Variants in MYOM2 observed in about 807,000 individuals in gnomAD.
MYOM2 encodes myomesin-2.
In MYOM2, 254 loss-of-function variants were observed where a neutral mutation model predicts 187.6. The ratio of observed to expected loss-of-function variants is 1.35; its 90% CI spans 1.22 to 1.50. The LOEUF (loss-of-function observed/expected upper bound fraction) is 1.50. Ranked by LOEUF, MYOM2 falls within the 40% of genes most tolerant of loss-of-function variation. MYOM2 has a pLI of 0.00. For synonymous variants in MYOM2, 981 were observed against 753.8 expected (o/e 1.30, Z -4.94); for missense variants, 2,796 against 1,924.0 (o/e 1.45, Z -8.48).
intron 6 of MYOM2, among the ~76,000 whole-genome samples, chr8:2,064,034 C>T (rs574984951): frequency 2.2e-4 from 34 of 152,282 alleles, no homozygotes; most frequent in Non-Finnish European, 2.8e-4. Flanking sequence ...GGGAGGAAGA[C>T]GGGGGTCCTT....
At chr8:2,082,359 G>A (rs1819658753) in intron 13 of MYOM2, among the ~76,000 whole-genome samples, 1 of 151,986 alleles carries the variant, frequency 6.6e-6, no homozygotes, top group Non-Finnish European at 1.5e-5. Flanking sequence ...CTATTAGGAA[G>A]TTCCCTTTTC....
chr8:2,118,736 C>T (rs969361234), intron 28 of MYOM2: 5 of 152,482 alleles, frequency 3.3e-5, no homozygotes, highest in Non-Finnish European at 5.8e-5. Context: ...CCTGCAGGAC[C>T]CAGAGGCTGG....
At chr8:2,083,685 C>G (rs939953941) in intron 13 of MYOM2, among the ~76,000 whole-genome samples, 1 of 152,256 alleles carries the variant, frequency 6.6e-6, no homozygotes, top group Admixed American at 6.5e-5. Flanking sequence ...GTGCTTCCCT[C>G]TCCCTGGCTC....
At chr8:2,135,865 A>T (rs1198536086) in intron 32 of MYOM2, among the ~76,000 whole-genome samples, 1 of 152,238 alleles carries the variant, frequency 6.6e-6, no homozygotes, top group Non-Finnish European at 1.5e-5. Flanking sequence ...TTTGAGCACT[A>T]GGACGTGTTT....
In MYOM2 at chr8:2,145,068, C is replaced by T. The variant is rs2280911; in HGVS notation, c.*87C>T. 2.2e-3 allele frequency: 3,121 copies of T among 1,437,056 alleles called. 93 individuals carry two copies. In the East Asian group the frequency reaches 0.057, roughly 26 times the overall value. The allele number at this position is 1,437,056 out of a possible 1,614,324, so 89.0% of individuals were successfully genotyped here. On this transcript the variant is annotated 3_prime_UTR_variant, in exon 37 of 37. Coordinates refer to ENST00000262113, the MANE Select transcript of MYOM2 (RefSeq NM_003970.4). ...TTGTTCCAAATGAGCAGCTGGCATC[C>T]GAGTGGTGTCCTGTGTGGGCTGATA...
At chr8:2,105,883 T>C (rs1025055341) in intron 21 of MYOM2, among the ~76,000 whole-genome samples, 3 of 152,164 alleles carry the variant, frequency 2.0e-5, no homozygotes, top group Admixed American at 1.3e-4. Context: ...GGGTGACTTA[T>C]AAAGAAAAGA....
At chr8:2,104,870 G>C (rs944539623) in intron 21 of MYOM2, among the ~76,000 whole-genome samples, 4 of 152,172 alleles carry the variant, frequency 2.6e-5, no homozygotes, top group Non-Finnish European at 4.4e-5. Context: ...TTATTAGCAA[G>C]AATCTACCCA....
In MYOM2 at chr8:2,096,505, G is replaced by A. The variant is rs116593135; in HGVS notation, c.2313+71G>A. 389 of 1,439,158 alleles carry A rather than the reference G, an allele frequency of 2.7e-4. No individual in the cohort carries two copies. In the African/African-American group the frequency reaches 3.6e-3, roughly 13 times the overall value. The allele number at this position is 1,439,158 out of a possible 1,614,324, so 89.1% of individuals were successfully genotyped here. ...TTTACATTTTTGGCAATGTTTCTGCGTTTGATGACATTAGATAGTTTGATA... is the reference window on the plus strand; with the variant it reads ...TTTACATTTTTGGCAATGTTTCTGCATTTGATGACATTAGATAGTTTGATA... On this transcript the variant is annotated intron_variant, in intron 18 of 36. Coordinates refer to ENST00000262113, the MANE Select transcript of MYOM2 (RefSeq NM_003970.4).
chr8:2,053,666 C>G (rs1050334488), intron 3 of MYOM2, among the ~76,000 whole-genome samples: 2 of 152,226 alleles, frequency 1.3e-5, no homozygotes, highest in African/African-American at 4.8e-5. Flanking sequence ...AAATCTGACT[C>G]AAAGAAGGGA....
chr8:2,143,184 C>T (rs1164016207), intron 35 of MYOM2, among the ~76,000 whole-genome samples: 1 of 152,172 alleles, frequency 6.6e-6, no homozygotes, highest in Non-Finnish European at 1.5e-5. Flanking sequence ...TCTCCCCCAA[C>T]CCCTTCACAG....
intron 15 of MYOM2, among the ~76,000 whole-genome samples, chr8:2,090,980 T>C (rs1271706259): frequency 6.7e-6 from 1 of 149,542 alleles, no homozygotes; most frequent in Non-Finnish European, 1.5e-5. Flanking sequence ...TCTGGGTATA[T>C]ATGCAGTACT....
chr8:2,132,244 G>C (rs887248449), intron 32 of MYOM2, among the ~76,000 whole-genome samples: 9 of 114,954 alleles, frequency 7.8e-5, no homozygotes, highest in African/African-American at 3.6e-4. Flanking sequence ...GGAATATTTT[G>C]TGTTAATGGG....
At chr8:2,088,433 G>C (rs1303024002) in intron 14 of MYOM2, among the ~76,000 whole-genome samples, 1 of 152,206 alleles carries the variant, frequency 6.6e-6, no homozygotes, top group Admixed American at 6.5e-5. Flanking sequence ...CCCTTGCTCT[G>C]TCTGGTAGGC....
intron 13 of MYOM2, among the ~76,000 whole-genome samples, chr8:2,084,561 C>G (rs1672472906): frequency 6.6e-6 from 1 of 152,152 alleles, no homozygotes; most frequent in Admixed American, 6.5e-5. Context: ...ATGAAAATCT[C>G]CTATAAATTC....
At position 2,090,022 on chromosome 8, in the gene MYOM2, C is replaced by T. The variant is rs775972053; in HGVS notation, c.1659C>T (p.Ser553=). Residue 553 remains serine, a synonymous_variant, in exon 15 of 37, where the codon AGC becomes AGT. Transcript: ENST00000262113. ...TCTCTTTGTAGTCCGTGGTGGGGAG[C>T]GGCAGCTGGCAGAGAGTCAACGCCC... The part of the protein sequence containing the change: ...MYFIEKSVVG[S]GSWQRVNAQT... 26 of 1,613,420 alleles carry T rather than the reference C, an allele frequency of 1.6e-5. No homozygotes were observed. The highest frequency in any genetic ancestry group is 9.9e-5 in the South Asian group (9 of 91,028).
chr8:2,106,516 G>C lies in MYOM2; in HGVS notation c.2917G>C (p.Asp973His). ...DHSKLYLKNPDKEDLGTYSVS... is the reference protein window; with the variant it reads ...DHSKLYLKNPHKEDLGTYSVS... Reference sequence around the variant, plus strand: ...CTCCAAGCTGTACTTAAAGAATCCGGATAAGGAGGATTTAGGGACTTACTC... The same window carrying C: ...CTCCAAGCTGTACTTAAAGAATCCGCATAAGGAGGATTTAGGGACTTACTC... Residue 973 changes from aspartate to histidine, a missense_variant, in exon 23 of 37, where the codon GAT becomes CAT. Physicochemically the swap from Asp to His is moderately conservative, Grantham distance 81 (BLOSUM62 -1). Coordinates refer to ENST00000262113, the MANE Select transcript of MYOM2 (RefSeq NM_003970.4). 1 of 1,612,478 alleles carries C rather than the reference G, an allele frequency of 6.2e-7. No homozygotes were observed. Among genetic ancestry groups the C allele is most frequent in the Non-Finnish European group, 8.5e-7 (1 of 1,178,608 alleles).
At chr8:2,095,896 G>C (rs1293383017) in intron 17 of MYOM2, among the ~76,000 whole-genome samples, 1 of 152,144 alleles carries the variant, frequency 6.6e-6, no homozygotes, top group Non-Finnish European at 1.5e-5. Flanking sequence ...AAAAGTGAAA[G>C]CTCCTTCGCC....
At chr8:2,077,190 A>T (rs1390749140) in intron 11 of MYOM2, among the ~76,000 whole-genome samples, 1 of 152,016 alleles carries the variant, frequency 6.6e-6, no homozygotes, top group Non-Finnish European at 1.5e-5. Flanking sequence ...TGTGCTTATA[A>T]TCCCAGCTTC....
At chr8:2,079,360 G>T (rs1406890501) in intron 12 of MYOM2, among the ~76,000 whole-genome samples, 200 bp from the exon 13 acceptor site, 3 of 151,938 alleles carry the variant, frequency 2.0e-5, no homozygotes, top group Admixed American at 6.6e-5. Context: ...TACGCACATG[G>T]TCCTTTGCAT....
Sources: allele counts gnomAD v4.1 joint callset (sites outside exome capture counted in the v4.1 genomes callset), GRCh38; gene constraint gnomAD v4.1.1; transcripts MANE v1.5; gene names NCBI Gene and HGNC (gene_info 2026-07-23, HGNC 2026-07-21).